TMPRSS7: variants seen among roughly 807,000 people sequenced by gnomAD.
TMPRSS7 encodes transmembrane protease serine 7.
Under a neutral mutation model 95.6 loss-of-function variants are expected in TMPRSS7, and 81 were observed. That is an observed-to-expected ratio of 0.85 (90% CI 0.71 to 1.02). TMPRSS7 has a LOEUF of 1.02. Among genes scored for constraint, TMPRSS7 ranks in the 50% least tolerant of loss-of-function variants. The probability of loss-of-function intolerance (pLI) is 0.00; values close to 1 mark genes in which losing one functional copy is unlikely to be tolerated. For missense variants in TMPRSS7, 945 were observed against 955.2 expected, an observed-to-expected ratio of 0.99 and a Z score of 0.14; for synonymous variants, 364 against 337.8, an observed-to-expected ratio of 1.08 and a Z score of -0.85.
In TMPRSS7 at chr3:112,063,652, A is replaced by G; in HGVS notation, c.1555+20A>G. The G allele has an allele frequency of 1.3e-6, 2 of 1,584,678 alleles. No homozygotes were observed. The highest frequency in any genetic ancestry group is 1.7e-6 in the Non-Finnish European group (2 of 1,153,276). On this transcript the variant is annotated intron_variant, in intron 12 of 17. Transcript: ENST00000452346. ...TTTGCGGTGGGTATTCAAGATTTTA[A>G]TATGACTTTCTTATGAATAAGTAAC...
chr3:112,059,343 T>G (rs959252269), intron 10 of TMPRSS7, among the ~76,000 whole-genome samples: 1 of 152,212 alleles, frequency 6.6e-6, no homozygotes, highest in African/African-American at 2.4e-5. Flanking sequence ...ATAAACTGAC[T>G]CTTGCTGGCT....
At position 112,075,317 on chromosome 3, in the gene TMPRSS7, A is replaced by G; in HGVS notation, c.1784-4A>G. The G allele has an allele frequency of 7.1e-7, 1 of 1,404,802 alleles. No individual in the cohort carries two copies. The highest frequency in any genetic ancestry group is 9.3e-7 in the Non-Finnish European group (1 of 1,070,698). The allele number at this position is 1,404,802 out of a possible 1,614,324, so 87.0% of individuals were successfully genotyped here. ...TTAAATCACATGCCCTTTCTCCACC[A>G]AAGCCTGCAGCAGGAGTTCCTCCGC... On this transcript the variant is annotated splice_region_variant and splice_polypyrimidine_tract_variant and intron_variant, in intron 14 of 17. Coordinates refer to ENST00000452346, the Ensembl canonical transcript of TMPRSS7.
At chr3:112,056,202 G>A (rs771392063) in intron 9 of TMPRSS7, among the ~76,000 whole-genome samples, 3 of 152,128 alleles carry the variant, frequency 2.0e-5, no homozygotes, top group Non-Finnish European at 2.9e-5. Context: ...TAGATATGCA[G>A]ACTACTCCTT....
At chr3:112,046,870 T>C (rs1441044078) in intron 5 of TMPRSS7, 104 bp from the exon 6 acceptor site, 1 of 682,338 alleles carries the variant, frequency 1.5e-6, no homozygotes, top group African/African-American at 1.8e-5. Context: ...CCAGATGTGT[T>C]TGATTGCCTT....
exon 18 of TMPRSS7, chr3:112,081,013 T>C: frequency 1.2e-6 from 2 of 1,613,954 alleles, no homozygotes; most frequent in Non-Finnish European, 1.7e-6. Flanking sequence ...ACGACCAAAC[T>C]TTCCTGGTGT....
Position 112,047,536 on chromosome 3 carries a change from A to T in TMPRSS7, c.731-203A>T. 6 of 665,962 alleles carry T rather than the reference A, an allele frequency of 9.0e-6. No individual in the cohort carries two copies. In the East Asian group the frequency reaches 1.8e-4, roughly 20 times the overall value. 41.3% of individuals were successfully genotyped at this position (665,962 alleles called of 1,614,324 possible). A position where few individuals can be genotyped will look rare whatever the true frequency, so the allele number is the denominator to read the frequency against. Reference sequence around the variant, plus strand: ...GAAACTAGGGGTGAGTTTAACCCCAACCAAACTATATAGACAGAGTGTGGA... The same window carrying T: ...GAAACTAGGGGTGAGTTTAACCCCATCCAAACTATATAGACAGAGTGTGGA... On this transcript the variant is annotated intron_variant, in intron 6 of 17. Transcript: ENST00000452346.
intron 9 of TMPRSS7, among the ~76,000 whole-genome samples, chr3:112,053,065 A>G (rs1181238877): frequency 1.3e-5 from 2 of 152,132 alleles, no homozygotes; most frequent in Non-Finnish European, 2.9e-5. Context: ...CTCAGTGTAG[A>G]GGTTAAATAA....
chr3:112,051,501 C>G (rs1180944573), intron 9 of TMPRSS7, among the ~76,000 whole-genome samples: 1 of 151,376 alleles, frequency 6.6e-6, no homozygotes, highest in Non-Finnish European at 1.5e-5. Flanking sequence ...AACCAGAGTG[C>G]AAATGTATAC....
chr3:112,044,144 G>C lies in TMPRSS7; in HGVS notation c.430-111G>C, dbSNP rs1330530491. 4.6e-5 allele frequency: 32 copies of C among 698,968 alleles called. No homozygotes were observed. The South Asian group carries it at 4.9e-4, about 11-fold the overall frequency. 43.3% of individuals were successfully genotyped at this position (698,968 alleles called of 1,614,324 possible). A position where few individuals can be genotyped will look rare whatever the true frequency, so the allele number is the denominator to read the frequency against. On this transcript the variant is annotated intron_variant, in intron 3 of 17. Coordinates refer to ENST00000452346, the Ensembl canonical transcript of TMPRSS7. ...GTGGAGTTAGGAGCCTTTATTTTGA[G>C]GCTTGCATTTCTTCTTGCTGGCTGT...
exon 5 of TMPRSS7, chr3:112,045,766 G>A (rs1238479565): frequency 4.5e-6 from 7 of 1,550,434 alleles, no homozygotes; most frequent in Admixed American, 2.0e-5. Flanking sequence ...CAACAAAGGC[G>A]GCCTCCTTGT....
exon 2 of TMPRSS7, chr3:112,038,175 C>T: frequency 1.4e-6 from 1 of 702,930 alleles, no homozygotes; most frequent in Non-Finnish European, 2.6e-6. Flanking sequence ...AGACGACCAC[C>T]ACAAAGACCC....
chr3:112,035,542 GAA>G (rs2073145165), intron 1 of TMPRSS7, among the ~76,000 whole-genome samples: 1 of 152,222 alleles, frequency 6.6e-6, no homozygotes, highest in Non-Finnish European at 1.5e-5. Context: ...ATTTTGAAGA[GAA>G]GAGTGAGGGA....
At chr3:112,065,566 C>G (rs930163588) in intron 12 of TMPRSS7, among the ~76,000 whole-genome samples, 2 of 152,196 alleles carry the variant, frequency 1.3e-5, no homozygotes, top group South Asian at 4.2e-4. Flanking sequence ...CATTATTCCT[C>G]ATTGTGCCAT....
At chr3:112,038,688 C>G (rs2073175818) in intron 2 of TMPRSS7, among the ~76,000 whole-genome samples, 1 of 152,154 alleles carries the variant, frequency 6.6e-6, no homozygotes, top group Non-Finnish European at 1.5e-5. Flanking sequence ...CACTATGATG[C>G]CCAGGCTGGT....
Position 112,058,302 on chromosome 3 carries a change from A to G in TMPRSS7, c.1310+1171A>G, listed in dbSNP as rs370097447. On this transcript the variant is annotated intron_variant, in intron 10 of 17. Transcript: ENST00000452346. ...TCTTGGATTCACTATTAAAATGCAG[A>G]CTGTATTGTTTTGGGGAGTGTAATT... is the stretch of plus-strand genomic sequence containing the variant. 1.1e-3 allele frequency among the ~76,000 whole-genome samples: 166 copies of G among 152,240 alleles called. 1 individual carries two copies. The highest frequency in any genetic ancestry group is 1.8e-3 in the Non-Finnish European group (124 of 68,020).
chr3:112,039,396 T>C (rs934460054), intron 2 of TMPRSS7, among the ~76,000 whole-genome samples: 2 of 152,242 alleles, frequency 1.3e-5, no homozygotes, highest in African/African-American at 2.4e-5. Flanking sequence ...TATTTGATTG[T>C]AGTCCTTAGA....
At chr3:112,064,351 C>CTTTTCTTCT (rs2073549428) in intron 12 of TMPRSS7, among the ~76,000 whole-genome samples, 1 of 149,014 alleles carries the variant, frequency 6.7e-6, no homozygotes, top group Non-Finnish European at 1.5e-5. Flanking sequence ...TGTGTGTTTT[C>CTTTTCTTCT]TTTTCTTTTT....
At chr3:112,073,609 G>C (rs2073678674) in intron 13 of TMPRSS7, among the ~76,000 whole-genome samples, 1 of 152,078 alleles carries the variant, frequency 6.6e-6, no homozygotes, top group Non-Finnish European at 1.5e-5. Context: ...TTGTAAATTT[G>C]TTTGAGTTCT....
chr3:112,036,483 G>C (rs4682345), intron 1 of TMPRSS7, among the ~76,000 whole-genome samples: 43,309 of 151,574 alleles, frequency 0.29, 7,166 homozygotes, highest in Middle Eastern at 0.38. Context: ...CAGGGGAATC[G>C]CTGGAACCCA....
Sources: allele counts gnomAD v4.1 joint callset (sites outside exome capture counted in the v4.1 genomes callset), GRCh38; gene constraint gnomAD v4.1.1; transcripts MANE v1.5; gene names NCBI Gene and HGNC (gene_info 2026-07-23, HGNC 2026-07-21).